The following CHSY3 variants were observed in gnomAD, a reference collection of about 807,000 sequenced individuals.
CHSY3 encodes the protein N-acetylgalactosaminyl-proteoglycan 3-beta-glucuronosyltransferase 3.
In CHSY3, 35 loss-of-function variants were observed where a neutral mutation model predicts 67.2. The ratio of observed to expected loss-of-function variants is 0.52; its 90% CI spans 0.40 to 0.69. The LOEUF (loss-of-function observed/expected upper bound fraction) is 0.69, where lower values mean the gene tolerates loss of function less well. Among genes scored for constraint, CHSY3 ranks in the 30% least tolerant of loss-of-function variants. The pLI, the probability that CHSY3 is intolerant of heterozygous loss-of-function variation, is 0.00. For synonymous variants in CHSY3, 474 were observed against 434.7 expected, an observed-to-expected ratio of 1.09 and a Z score of -1.12; for missense variants, 1,069 against 1,138.5, an observed-to-expected ratio of 0.94 and a Z score of 0.88.
chr5:130,140,386 A>G, intron 2 of CHSY3: 2 of 663,244 alleles, frequency 3.0e-6, no homozygotes, highest in Non-Finnish European at 2.6e-6. Context: ...AGTGTTTTTT[A>G]TGGTTCTGAT....
chr5:130,095,098 A>T (rs1767001807), intron 2 of CHSY3, among the ~76,000 whole-genome samples: 1 of 152,120 alleles, frequency 6.6e-6, no homozygotes, highest in South Asian at 2.1e-4. Flanking sequence ...CATACATAAT[A>T]TGTATACATA....
chr5:130,043,884 T>C (rs1349984521), intron 2 of CHSY3, among the ~76,000 whole-genome samples: 4 of 152,126 alleles, frequency 2.6e-5, no homozygotes, highest in Non-Finnish European at 5.9e-5. Context: ...AGATCAGATT[T>C]TTTTTATGTT....
At chr5:129,992,919 C>A in intron 2 of CHSY3, among the ~76,000 whole-genome samples, 1 of 152,080 alleles carries the variant, frequency 6.6e-6, no homozygotes, top group East Asian at 1.9e-4. Flanking sequence ...CTATTATTAT[C>A]GTTGTAATTG....
chr5:130,013,726 C>A (rs1381567425), intron 2 of CHSY3, among the ~76,000 whole-genome samples: 1 of 152,204 alleles, frequency 6.6e-6, no homozygotes, highest in Admixed American at 6.5e-5. Flanking sequence ...CCTTCCCAGG[C>A]CTCCAGGCCT....
At chr5:130,008,143 C>A (rs1475185756) in intron 2 of CHSY3, among the ~76,000 whole-genome samples, 1 of 152,204 alleles carries the variant, frequency 6.6e-6, no homozygotes, top group African/African-American at 2.4e-5. Context: ...GTGGACCCTG[C>A]TGCTATGCCA....
intron 2 of CHSY3, among the ~76,000 whole-genome samples, chr5:130,157,944 G>A (rs943253543): frequency 6.6e-6 from 1 of 152,106 alleles, no homozygotes; most frequent in Non-Finnish European, 1.5e-5. Flanking sequence ...TCTATAAATT[G>A]CCATGGCATC....
rs748862583 is a variant in CHSY3, at chr5:130,114,763, G to C, written c.1087-69466G>C. Among the ~76,000 whole-genome samples the C allele has an allele frequency of 4.5e-4, 68 of 152,130 alleles. 2 individuals carry two copies. Among genetic ancestry groups the C allele is most frequent in the Middle Eastern group, 3.2e-3 (1 of 316 alleles). ...TCAAAATATCTGCAAGTAGTGTTCA[G>C]AGTGTGTCCCTTCCAAGCTGTCAGT... On this transcript the variant is annotated intron_variant, in intron 2 of 2. Transcript: ENST00000305031.
intron 2 of CHSY3, among the ~76,000 whole-genome samples, chr5:130,012,117 T>C (rs1331965560): frequency 1.3e-5 from 2 of 152,156 alleles, no homozygotes; most frequent in Admixed American, 6.5e-5. Context: ...TTCATGTGGA[T>C]CCAAAGAAGA....
intron 2 of CHSY3, among the ~76,000 whole-genome samples, chr5:130,057,759 A>T (rs564654240): frequency 6.6e-6 from 1 of 152,320 alleles, no homozygotes; most frequent in East Asian, 1.9e-4. Context: ...TCGTACCAAG[A>T]TGTTTACCCA....
intron 2 of CHSY3, among the ~76,000 whole-genome samples, chr5:129,926,063 A>G (rs929133454): frequency 6.6e-6 from 1 of 151,994 alleles, no homozygotes; most frequent in African/African-American, 2.4e-5. Context: ...ATTTTATGTG[A>G]TTTACCAGCC....
At chr5:130,059,509 C>A (rs1260690510) in intron 2 of CHSY3, among the ~76,000 whole-genome samples, 3 of 151,344 alleles carry the variant, frequency 2.0e-5, no homozygotes, top group Non-Finnish European at 4.4e-5. Context: ...CACTAGAGAA[C>A]CCTGACTAAA....
Position 130,118,503 on chromosome 5 carries a change from A to G in CHSY3, c.1087-65726A>G, listed in dbSNP as rs537908891. Among the ~76,000 whole-genome samples, 737 of 149,020 alleles carry G rather than the reference A, an allele frequency of 4.9e-3. 3 individuals are homozygous for G. The highest frequency in any genetic ancestry group is 0.034 in the South Asian group (162 of 4,746). On this transcript the variant is annotated intron_variant, in intron 2 of 2. Transcript: ENST00000305031. Reference sequence around the variant, plus strand: ...ATAATGTATATATGTGTGTGTGTGTATATATATATATATACAGACACATAT... The same window carrying G: ...ATAATGTATATATGTGTGTGTGTGTGTATATATATATATACAGACACATAT...
intron 2 of CHSY3, among the ~76,000 whole-genome samples, chr5:130,105,460 G>C (rs76767608): frequency 0.016 from 2,388 of 151,672 alleles, 68 homozygotes; most frequent in African/African-American, 0.054. Flanking sequence ...AGATGACAGA[G>C]AGACTTATTA....
chr5:130,184,722 G>A lies in CHSY3; in HGVS notation c.1580G>A (p.Arg527His), dbSNP rs200876793. Residue 527 changes from arginine (R) to histidine (H), a missense_variant, in exon 3 of 3, where the codon CGC (arginine) becomes CAC (histidine). Physicochemically the swap from Arg to His is conservative, Grantham distance 29. Coordinates refer to ENST00000305031, the MANE Select transcript of CHSY3 (RefSeq NM_175856.5). ...TTCAAGGAAATTCAGTATGGCTACC[G>A]CAGAGTTAACCCCATGCACGGGGTG... ...IDFKEIQYGY[R>H]RVNPMHGVEY... 15 of 1,607,302 alleles carry A rather than the reference G, an allele frequency of 9.3e-6. No homozygotes were observed. Among genetic ancestry groups the A allele is most frequent in the African/African-American group, 8.0e-5 (6 of 74,900 alleles).
chr5:130,143,786 A>G (rs59259108), intron 2 of CHSY3, among the ~76,000 whole-genome samples: 1,317 of 27,982 alleles, frequency 0.047, 76 homozygotes, highest in African/African-American at 0.25. Flanking sequence ...ATATATGTGT[A>G]TATATATATA....
intron 2 of CHSY3, among the ~76,000 whole-genome samples, chr5:130,000,381 G>T (rs1291968766): frequency 1.3e-5 from 2 of 152,166 alleles, no homozygotes; most frequent in Non-Finnish European, 2.9e-5. Context: ...AATTATATCT[G>T]ATTTTAAATT....
intron 2 of CHSY3, among the ~76,000 whole-genome samples, chr5:129,965,699 G>A (rs1222288631): frequency 6.6e-6 from 1 of 151,852 alleles, no homozygotes; most frequent in Non-Finnish European, 1.5e-5. Context: ...TTGATAAAGG[G>A]TAATTGTCTT....
chr5:130,160,906 T>TA (rs1310583958), intron 2 of CHSY3, among the ~76,000 whole-genome samples: 6 of 140,910 alleles, frequency 4.3e-5, no homozygotes, highest in Non-Finnish European at 8.9e-5. Flanking sequence ...TTTTTTTTTT[T>TA]TTATTTTTTT....
At chr5:129,932,296 A>G (rs73785816) in intron 2 of CHSY3, among the ~76,000 whole-genome samples, 3,094 of 151,864 alleles carry the variant, frequency 0.02, 104 homozygotes, top group African/African-American at 0.071. Context: ...GCTCAAGTAT[A>G]ACGGCAGTCT....
Sources: allele counts gnomAD v4.1 joint callset (sites outside exome capture counted in the v4.1 genomes callset), GRCh38; gene constraint gnomAD v4.1.1; transcripts MANE v1.5; gene names NCBI Gene and HGNC (gene_info 2026-07-23, HGNC 2026-07-21).